SIGLEC6: variants seen among roughly 807,000 people sequenced by gnomAD.
SIGLEC6 encodes sialic acid-binding Ig-like lectin 6.
SIGLEC6 carries 31 observed loss-of-function variants against 41.4 expected under a neutral mutation model. The ratio of observed to expected loss-of-function variants is 0.75; its 90% confidence interval spans 0.56 to 1.01. The LOEUF is 1.01. SIGLEC6 is among the 50% of genes least tolerant of loss of function. SIGLEC6 has a pLI of 0.00. For synonymous variants in SIGLEC6, 217 were observed against 231.0 expected, an observed-to-expected ratio of 0.94 and a Z score of 0.55; for missense variants, 555 against 558.6, an observed-to-expected ratio of 0.99 and a Z score of 0.06.
chr19:51,527,598 T>A (rs1979453327), intron 7 of SIGLEC6, 149 bp downstream of exon 7: 5 of 649,284 alleles, frequency 7.7e-6, no homozygotes, highest in Middle Eastern at 4.1e-4. Flanking sequence ...CAATACTTTT[T>A]AAATTATTAC....
rs188559129 is a variant in SIGLEC6 at position 51,521,235 on chromosome 19, T to C, written c.1189-980A>G. On this transcript the variant is annotated intron_variant, in intron 7 of 7. Transcript: ENST00000425629. ...AATTATGTAATGATTCCCAACAAAG[T>C]GGGGATTTAACACACACTAAGTGTG... is the stretch of plus-strand genomic sequence containing the variant. Among the ~76,000 whole-genome samples the C allele has an allele frequency of 1.3e-3, 202 of 152,262 alleles. 1 individual carries two copies. The highest frequency in any genetic ancestry group is 2.1e-3 in the Non-Finnish European group (146 of 68,020).
Position 51,531,277 on chromosome 19 carries a change from A to T in SIGLEC6, c.310T>A (p.Cys104Ser), listed in dbSNP as rs202046841. 1.9e-6 allele frequency: 3 copies of T among 1,614,154 alleles called. No individual in the cohort carries two copies. Among genetic ancestry groups the T allele is most frequent in the Non-Finnish European group, 2.5e-6 (3 of 1,179,994 alleles). The change falls in exon 2 of 8, where the codon TGC becomes AGC. Residue 104 changes from cysteine (C) to serine (S), a missense_variant. Cys to Ser is a moderately radical substitution (Grantham distance 112, BLOSUM62 -1). Transcript: ENST00000425629. ...CGGGCATCTCTGATGCTCAGGGAGC[A>T]GTTCTTCCTTCTGGGATCCCAGAGG... ...HLLWDPRRKN[C>S]SLSIRDARRR... is the part of the protein sequence containing the mutation.
intron 6 of SIGLEC6, 52 bp downstream of exon 6, chr19:51,528,108 T>C: frequency 6.6e-7 from 1 of 1,504,558 alleles, no homozygotes; most frequent in East Asian, 2.3e-5. Context: ...CTGCCACCTG[T>C]GTGCCCTTCC....
At chr19:51,528,956 T>C (rs1316252381) in intron 5 of SIGLEC6, among the ~76,000 whole-genome samples, 1 of 131,388 alleles carries the variant, frequency 7.6e-6, no homozygotes, top group East Asian at 2.2e-4. Context: ...TGAGCCAAGA[T>C]CGCACCATTG....
chr19:51,524,939 C>T (rs1347434681), intron 7 of SIGLEC6, among the ~76,000 whole-genome samples: 2 of 152,160 alleles, frequency 1.3e-5, no homozygotes, highest in Non-Finnish European at 2.9e-5. Context: ...CTGCCATGGA[C>T]CTTTGCAGTC....
intron 7 of SIGLEC6, 33 bp downstream of exon 7, chr19:51,527,714 T>C: frequency 1.3e-6 from 2 of 1,598,546 alleles, no homozygotes; most frequent in Non-Finnish European, 1.7e-6. Context: ...AAAGGGATAA[T>C]GCTGAATGGA....
chr19:51,525,564 A>G (rs564337154), intron 7 of SIGLEC6, among the ~76,000 whole-genome samples: 1 of 152,156 alleles, frequency 6.6e-6, no homozygotes, highest in African/African-American at 2.4e-5. Context: ...TGAGGAGGAT[A>G]TCCCAGGGTC....
At chr19:51,520,597 G>GA (rs1311039966) in intron 7 of SIGLEC6, among the ~76,000 whole-genome samples, 1 of 286 alleles carries the variant, frequency 3.5e-3, no homozygotes, top group African/African-American at 0.015. Flanking sequence ...GGCTGGTCTT[G>GA]AACCCTGGGC....
chr19:51,525,126 A>C (rs1236774679), intron 7 of SIGLEC6, among the ~76,000 whole-genome samples: 1 of 152,186 alleles, frequency 6.6e-6, no homozygotes, highest in Non-Finnish European at 1.5e-5. Context: ...ACATGCTCTC[A>C]GGGTAGGGAC....
In SIGLEC6 at chr19:51,529,847, G is replaced by A. The variant is rs1336552584; in HGVS notation, c.889C>T (p.Pro297Ser). The A allele has an allele frequency of 2.5e-6, 4 of 1,614,148 alleles. No homozygotes were observed. Among genetic ancestry groups the A allele is most frequent in the Non-Finnish European group, 3.4e-6 (4 of 1,180,020 alleles). ...TCCAGGACCCCGGTATTGGAGATGG[G>A]GGTGGCGTTCAGGGCGGGGAAGCCC... ...FQGFPALNAT[P>S]ISNTGVLELP... Residue 297 changes from proline (P) to serine (S), a missense_variant, in exon 5 of 8, where the codon CCC (proline) becomes TCC (serine). By Grantham distance (74) the Pro-to-Ser change is moderately conservative. Coordinates refer to ENST00000425629, the MANE Select transcript of SIGLEC6 (RefSeq NM_001245.7).
At chr19:51,528,859 T>TA (rs1311414561) in intron 5 of SIGLEC6, among the ~76,000 whole-genome samples, 2 of 151,888 alleles carry the variant, frequency 1.3e-5, no homozygotes, top group African/African-American at 4.8e-5. Flanking sequence ...TGGGCGCCTG[T>TA]AGTGCCAGCT....
At chr19:51,521,453 C>A (rs1021043755) in intron 7 of SIGLEC6, among the ~76,000 whole-genome samples, 13 of 152,104 alleles carry the variant, frequency 8.5e-5, no homozygotes, top group African/African-American at 3.1e-4. Context: ...ATGTTCCACT[C>A]ATGTCTTTCC....
intron 7 of SIGLEC6, among the ~76,000 whole-genome samples, chr19:51,522,276 G>T (rs1978401543): frequency 6.6e-6 from 1 of 152,208 alleles, no homozygotes; most frequent in African/African-American, 2.4e-5. Flanking sequence ...TAAATTAACT[G>T]CATTCGAGAA....
In SIGLEC6 at chr19:51,531,295, C is replaced by A. The variant is rs62617068; in HGVS notation, c.292G>T (p.Asp98Tyr). 17,343 of 1,614,190 alleles carry A rather than the reference C, an allele frequency of 0.011. 141 individuals carry two copies. Among genetic ancestry groups the A allele is most frequent in the Middle Eastern group, 0.025 (149 of 6,062 alleles). Reference sequence around the variant, plus strand: ...AGGGAGCAGTTCTTCCTTCTGGGATCCCAGAGGAGGTGGAATCGGCCCCGG... The same window carrying A: ...AGGGAGCAGTTCTTCCTTCTGGGATACCAGAGGAGGTGGAATCGGCCCCGG... The part of the protein sequence containing the change: ...ETRGRFHLLW[D>Y]PRRKNCSLSI... Residue 98 changes from aspartate (D) to tyrosine (Y), a missense_variant, in exon 2 of 8, where the codon GAT (aspartate) becomes TAT (tyrosine). Asp to Tyr is a radical substitution (Grantham distance 160, BLOSUM62 -3). Transcript: ENST00000425629.
chr19:51,527,653 T>G (rs1979462623), intron 7 of SIGLEC6, 94 bp downstream of exon 7: 1 of 987,234 alleles, frequency 1.0e-6, no homozygotes, highest in African/African-American at 1.6e-5. Flanking sequence ...GCAGGGAATG[T>G]CAGGTGTTAA....
rs1487129106 is a variant in SIGLEC6 at position 51,531,577 on chromosome 19, C to G, written c.67+5G>C. ...CCCACGGCACCTCTCCCCTGGCCCACTCACCTGCCCACAGCAGGGGCAGCA... is the reference window on the plus strand; with the variant it reads ...CCCACGGCACCTCTCCCCTGGCCCAGTCACCTGCCCACAGCAGGGGCAGCA... On this transcript the variant is annotated splice_donor_5th_base_variant and intron_variant, in intron 1 of 7. Transcript: ENST00000425629. 9.9e-6 allele frequency: 16 copies of G among 1,613,900 alleles called. No individual in the cohort carries two copies. Among genetic ancestry groups the G allele is most frequent in the Non-Finnish European group, 1.4e-5 (16 of 1,179,888 alleles).
chr19:51,531,487 C>G lies in SIGLEC6; in HGVS notation c.100G>C (p.Glu34Gln). The G allele has an allele frequency of 3.1e-6, 5 of 1,613,846 alleles. No individual in the cohort carries two copies. Among genetic ancestry groups the G allele is most frequent in the Non-Finnish European group, 4.2e-6 (5 of 1,179,876 alleles). The change falls in exon 2 of 8, where the codon GAG becomes CAG. Residue 34 changes from glutamate to glutamine, a missense_variant. By Grantham distance (29) the Glu-to-Gln change is conservative (BLOSUM62 2). Coordinates refer to ENST00000425629, the MANE Select transcript of SIGLEC6 (RefSeq NM_001245.7). ...ALAQERRFQL[E>Q]GPESLTVQEG... is the part of the protein sequence containing the mutation. ...TGCACCGTCAGTGACTCTGGCCCCT[C>G]CAGCTGGAATCTCCGCTCCTGAGCC... is the stretch of plus-strand genomic sequence containing the variant.
chr19:51,531,323 C>G lies in SIGLEC6; in HGVS notation c.264G>C (p.Glu88Asp), dbSNP rs775814218. The change falls in exon 2 of 8, where the codon GAG (glutamate) becomes GAC (aspartate). Residue 88 changes from glutamate (E) to aspartate (D), a missense_variant. Glu to Asp is a conservative substitution (Grantham distance 45, BLOSUM62 2). Transcript: ENST00000425629. ...TNDPDEEVQEETRGRFHLLWD... is the reference protein window; with the variant it reads ...TNDPDEEVQEDTRGRFHLLWD... The stretch of plus-strand genomic sequence containing the variant: ...AGAGGAGGTGGAATCGGCCCCGGGT[C>G]TCCTCCTGCACTTCTTCGTCTGGGT... 3 of 1,614,172 alleles carry G rather than the reference C, an allele frequency of 1.9e-6. No homozygotes were observed. The highest frequency in any genetic ancestry group is 2.2e-5 in the South Asian group (2 of 91,092).
At chr19:51,530,113 A>C in intron 4 of SIGLEC6, 132 bp from the exon 5 acceptor site, 1 of 1,156,088 alleles carries the variant, frequency 8.6e-7, no homozygotes. Flanking sequence ...GTCTTCAGAA[A>C]AGCCCAGACC....
Sources: allele counts gnomAD v4.1 joint callset (sites outside exome capture counted in the v4.1 genomes callset), GRCh38; gene constraint gnomAD v4.1.1; transcripts MANE v1.5; gene names NCBI Gene and HGNC (gene_info 2026-07-23, HGNC 2026-07-21).